Variants in TRIM5 observed in about 807,000 individuals in gnomAD.
TRIM5 encodes the protein tripartite motif-containing protein 5.
In TRIM5, 31 loss-of-function variants were observed where a neutral mutation model predicts 35.6. The ratio of observed to expected loss-of-function variants is 0.87; its 90% CI spans 0.65 to 1.18. The LOEUF (loss-of-function observed/expected upper bound fraction) is 1.18, where lower values mean the gene tolerates loss of function less well. TRIM5 is among the 50% of genes most tolerant of loss of function. The pLI, the probability that TRIM5 is intolerant of heterozygous loss-of-function variation, is 0.00. For missense variants in TRIM5, 609 were observed against 591.6 expected (o/e 1.03, Z -0.31); for synonymous variants, 243 against 215.6 (o/e 1.13, Z -1.11).
chr11:5,651,763 G>A, the TRIM5 span, among the ~76,000 whole-genome samples: 1 of 152,194 alleles, frequency 6.6e-6, no homozygotes, highest in African/African-American at 2.4e-5. Flanking sequence ...CCCACCAGTA[G>A]TGTGTAAGCA....
rs369375337 is a variant in TRIM5, at chr11:5,669,041, C to T, written c.745-1330G>A. ...CATTGTCCTAAAAACTACATTTACT[C>T]TGAACTCTAGTCTCTAACAGGACAG... On this transcript the variant is annotated intron_variant, in intron 4 of 7. Coordinates refer to ENST00000380034, the MANE Select transcript of TRIM5 (RefSeq NM_033034.3). 3.4e-4 allele frequency among the ~76,000 whole-genome samples: 52 copies of T among 150,888 alleles called. No individual in the cohort carries two copies. In the East Asian group the frequency reaches 8.6e-3, roughly 25 times the overall value.
the TRIM5 span, chr11:5,597,044 A>G: frequency 1.3e-6 from 2 of 1,485,420 alleles, no homozygotes; most frequent in African/African-American, 2.9e-5. Flanking sequence ...TCTCACTGCA[A>G]ATGACCCCAC....
chr11:5,651,152 G>C, the TRIM5 span, among the ~76,000 whole-genome samples: 1 of 152,148 alleles, frequency 6.6e-6, no homozygotes, highest in East Asian at 1.9e-4. Context: ...TGTAGGCATG[G>C]CCAGATGCAA....
chr11:5,667,804 G>C, intron 4 of TRIM5, 93 bp from the exon 5 acceptor site: 1 of 1,384,126 alleles, frequency 7.2e-7, no homozygotes, highest in East Asian at 2.4e-5. Context: ...CTAATGTGCT[G>C]AGAATGGAGA....
the TRIM5 span, chr11:5,603,763 A>G: frequency 6.2e-7 from 1 of 1,608,394 alleles, no homozygotes; most frequent in South Asian, 1.1e-5. Context: ...AATGGGAGAC[A>G]GAGAAACAGG....
In TRIM5 at chr11:5,683,150, C is replaced by G. The variant is rs186653794; in HGVS notation, c.-62+1718G>C. Among the ~76,000 whole-genome samples, 779 of 152,334 alleles carry G rather than the reference C, an allele frequency of 5.1e-3. 5 individuals carry two copies. Among genetic ancestry groups the G allele is most frequent in the African/African-American group, 0.018 (754 of 41,578 alleles). On this transcript the variant is annotated intron_variant, in intron 1 of 7. Transcript: ENST00000380034. ...TTAGCTGCCTCCCCGCGGGGCAGAG[C>G]TCAGGACCTGCAGCCCACCATGCCT...
the TRIM5 span, among the ~76,000 whole-genome samples, chr11:5,648,041 T>C: frequency 1.3e-5 from 2 of 152,146 alleles, no homozygotes; most frequent in Non-Finnish European, 2.9e-5. Context: ...AATAATATTA[T>C]ATCTAAATTT....
At chr11:5,652,796 G>A in the TRIM5 span, among the ~76,000 whole-genome samples, 2 of 151,894 alleles carry the variant, frequency 1.3e-5, no homozygotes, top group South Asian at 2.1e-4. Flanking sequence ...TCCAATCCAT[G>A]AGCATAGAAT....
chr11:5,649,584 T>C, the TRIM5 span, among the ~76,000 whole-genome samples: 1 of 152,192 alleles, frequency 6.6e-6, no homozygotes, highest in Non-Finnish European at 1.5e-5. Context: ...TTCAGAGGCA[T>C]GAGCACCCAA....
intron 1 of TRIM5, among the ~76,000 whole-genome samples, chr11:5,683,762 T>G (rs890577610): frequency 2.0e-5 from 3 of 152,138 alleles, no homozygotes; most frequent in South Asian, 2.1e-4. Flanking sequence ...CACCAATCAG[T>G]GCCCTGTCAA....
chr11:5,601,394 A>G, the TRIM5 span, among the ~76,000 whole-genome samples: 3 of 152,222 alleles, frequency 2.0e-5, no homozygotes, highest in Non-Finnish European at 1.5e-5. Context: ...GTTGTCCATG[A>G]GGGATAAAGA....
chr11:5,631,044 G>A, the TRIM5 span, among the ~76,000 whole-genome samples: 2 of 152,194 alleles, frequency 1.3e-5, no homozygotes, highest in African/African-American at 4.8e-5. Context: ...TCTCTCTCAT[G>A]GCCAACAGCC....
chr11:5,683,470 A>T (rs544426549), intron 1 of TRIM5, among the ~76,000 whole-genome samples: 1 of 152,100 alleles, frequency 6.6e-6, no homozygotes, highest in South Asian at 2.1e-4. Flanking sequence ...GAATGCACCA[A>T]TCGACACTCT....
chr11:5,598,504 T>C, the TRIM5 span, among the ~76,000 whole-genome samples: 77 of 152,328 alleles, frequency 5.1e-4, no homozygotes, highest in African/African-American at 1.7e-3. Flanking sequence ...TCAAGTAGCC[T>C]CATTAAAAAT....
the TRIM5 span, chr11:5,604,850 G>T: frequency 3.9e-6 from 2 of 508,408 alleles, no homozygotes; most frequent in African/African-American, 1.9e-5. Context: ...CATAGCAGAG[G>T]AACCATGGCT....
chr11:5,641,274 T>C, the TRIM5 span: 1 of 1,600,862 alleles, frequency 6.2e-7, no homozygotes, highest in Admixed American at 1.7e-5. Context: ...TCAATTGGAA[T>C]AAAAAATCTC....
chr11:5,642,757 A>G, the TRIM5 span: 3 of 1,604,828 alleles, frequency 1.9e-6, no homozygotes, highest in Non-Finnish European at 2.6e-6. Flanking sequence ...AAGAATATAT[A>G]GGTATCAGTG....
At chr11:5,621,826 G>T in the TRIM5 span, among the ~76,000 whole-genome samples, 1 of 152,230 alleles carries the variant, frequency 6.6e-6, no homozygotes, top group Non-Finnish European at 1.5e-5. Flanking sequence ...CTGTGACCTG[G>T]AAGCCCCCTC....
chr11:5,637,794 C>A, the TRIM5 span, among the ~76,000 whole-genome samples: 1 of 152,188 alleles, frequency 6.6e-6, no homozygotes, highest in South Asian at 2.1e-4. Flanking sequence ...TACTTTCTGT[C>A]TCTATGACTT....
Sources: allele counts gnomAD v4.1 joint callset (sites outside exome capture counted in the v4.1 genomes callset), GRCh38; gene constraint gnomAD v4.1.1; transcripts MANE v1.5; gene names NCBI Gene and HGNC (gene_info 2026-07-23, HGNC 2026-07-21).